The following CEP112 variants were observed in gnomAD, a reference collection of about 807,000 sequenced individuals.
The protein encoded by CEP112 is centrosomal protein 112, also known as centrosomal protein of 112 kDa.
A neutral mutation model predicts 153.0 loss-of-function variants in CEP112; 127 were observed. The observed-to-expected ratio is 0.83, with a 90% CI of 0.72 to 0.96. The LOEUF is 0.96. CEP112 is among the 40% of genes least tolerant of loss of function. The probability of loss-of-function intolerance (pLI) is 0.00; values close to 1 mark genes in which losing one functional copy is unlikely to be tolerated. For missense variants in CEP112, 1,089 were observed against 1,101.2 expected, an observed-to-expected ratio of 0.99 and a Z score of 0.16; for synonymous variants, 358 against 374.4, an observed-to-expected ratio of 0.96 and a Z score of 0.51.
intron 17 of CEP112, among the ~76,000 whole-genome samples, chr17:65,975,450 A>C (rs1471790548): frequency 6.6e-6 from 1 of 152,228 alleles, no homozygotes; most frequent in African/African-American, 2.4e-5. Context: ...AACAACATAC[A>C]CAAATATATA....
At chr17:66,089,388 T>C (rs1467042066) in intron 8 of CEP112, among the ~76,000 whole-genome samples, 1 of 152,168 alleles carries the variant, frequency 6.6e-6, no homozygotes, top group Admixed American at 6.5e-5. Flanking sequence ...TTCACACTAA[T>C]TGTTTTAAGG....
intron 10 of CEP112, among the ~76,000 whole-genome samples, chr17:66,066,350 G>A (rs1392779918): frequency 6.6e-6 from 1 of 152,088 alleles, no homozygotes; most frequent in African/African-American, 2.4e-5. Context: ...CATAAAAGTA[G>A]ATACTTAATG....
At chr17:65,945,940 C>A (rs1345603183) in intron 18 of CEP112, among the ~76,000 whole-genome samples, 2 of 152,130 alleles carry the variant, frequency 1.3e-5, no homozygotes, top group Non-Finnish European at 2.9e-5. Context: ...AGCCACCATG[C>A]CCAGCCCTAA....
chr17:66,166,819 G>A (rs910785295), intron 4 of CEP112, among the ~76,000 whole-genome samples: 7 of 150,528 alleles, frequency 4.7e-5, no homozygotes, highest in Middle Eastern at 3.3e-3. Context: ...CAGAAGAATC[G>A]CTTGAACCCG....
At chr17:65,970,288 A>G (rs1383687286) in intron 17 of CEP112, among the ~76,000 whole-genome samples, 2 of 147,130 alleles carry the variant, frequency 1.4e-5, no homozygotes, top group South Asian at 4.7e-4. Context: ...TGTAGCATGG[A>G]TGTCATACTG....
intron 23 of CEP112, among the ~76,000 whole-genome samples, chr17:65,722,363 C>T (rs1001775850): frequency 3.3e-5 from 5 of 152,136 alleles, no homozygotes; most frequent in African/African-American, 9.7e-5. Flanking sequence ...ATTCTCCTGC[C>T]TCAGCCTCCC....
At chr17:65,905,940 G>A (rs1415077976) in intron 19 of CEP112, among the ~76,000 whole-genome samples, 2 of 149,992 alleles carry the variant, frequency 1.3e-5, no homozygotes, top group Non-Finnish European at 1.5e-5. Context: ...GCCAGACTCC[G>A]TCTCAAAAAA....
At chr17:65,863,629 G>A (rs1276412169) in intron 20 of CEP112, among the ~76,000 whole-genome samples, 14 of 151,368 alleles carry the variant, frequency 9.2e-5, no homozygotes, top group Non-Finnish European at 2.1e-4. Context: ...TGCAGTGGCG[G>A]GTGCCTGTAG....
chr17:65,888,290 T>G (rs538615303), intron 20 of CEP112, among the ~76,000 whole-genome samples: 1 of 152,352 alleles, frequency 6.6e-6, no homozygotes, highest in African/African-American at 2.4e-5. Context: ...ATCAGTCTTC[T>G]GGCTTGGGGT....
chr17:65,974,738 G>A (rs1276938937), intron 17 of CEP112, among the ~76,000 whole-genome samples: 15 of 152,174 alleles, frequency 9.9e-5, no homozygotes, highest in Non-Finnish European at 2.1e-4. Context: ...TTCGTGTAAG[G>A]AGGAAGAGAA....
intron 8 of CEP112, among the ~76,000 whole-genome samples, chr17:66,075,142 T>C (rs1182238318): frequency 6.6e-6 from 1 of 152,116 alleles, no homozygotes; most frequent in African/African-American, 2.4e-5. Context: ...CAGAGATACA[T>C]AAAAGCCATT....
At chr17:65,922,194 T>C (rs1320496645) in intron 19 of CEP112, among the ~76,000 whole-genome samples, 2 of 152,156 alleles carry the variant, frequency 1.3e-5, no homozygotes, top group Non-Finnish European at 1.5e-5. Context: ...AGAGTAACGA[T>C]GTTTCTACAT....
At chr17:65,844,978 A>C (rs1253649373) in intron 21 of CEP112, among the ~76,000 whole-genome samples, 2 of 151,734 alleles carry the variant, frequency 1.3e-5, no homozygotes, top group Admixed American at 1.3e-4. Context: ...GTGCCACTGC[A>C]CTTCAGCCTG....
At chr17:66,150,419 C>G (rs757408201) in intron 4 of CEP112, among the ~76,000 whole-genome samples, 1 of 151,868 alleles carries the variant, frequency 6.6e-6, no homozygotes, top group African/African-American at 2.4e-5. Context: ...CTAGTAGAGA[C>G]GGGGTTTCAC....
chr17:65,740,475 A>G (rs1005165761), intron 23 of CEP112, among the ~76,000 whole-genome samples: 4 of 152,252 alleles, frequency 2.6e-5, no homozygotes, highest in African/African-American at 9.6e-5. Context: ...GAAATGTTTT[A>G]TCAAGTTATA....
At chr17:66,175,963 T>C (rs2072453827) in intron 3 of CEP112, among the ~76,000 whole-genome samples, 1 of 152,212 alleles carries the variant, frequency 6.6e-6, no homozygotes, top group Non-Finnish European at 1.5e-5. Flanking sequence ...GGCACTGTTC[T>C]TTAGGGAGGA....
chr17:65,736,064 T>C (rs2050787510), intron 23 of CEP112, among the ~76,000 whole-genome samples: 1 of 152,174 alleles, frequency 6.6e-6, no homozygotes, highest in South Asian at 2.1e-4. Context: ...GGTCGAGTTA[T>C]TGGCAGTGAT....
intron 12 of CEP112, among the ~76,000 whole-genome samples, chr17:66,038,189 G>T (rs2065822739): frequency 6.6e-6 from 1 of 151,896 alleles, no homozygotes; most frequent in Admixed American, 6.6e-5. Flanking sequence ...AGACATAACT[G>T]CTGTTAGAAG....
At chr17:65,907,740 T>C (rs1037590515) in intron 19 of CEP112, among the ~76,000 whole-genome samples, 2 of 152,298 alleles carry the variant, frequency 1.3e-5, no homozygotes, top group South Asian at 2.1e-4. Flanking sequence ...AAGGTAGATA[T>C]GTAAATAAAA....
Sources: allele counts gnomAD v4.1 joint callset (sites outside exome capture counted in the v4.1 genomes callset), GRCh38; gene constraint gnomAD v4.1.1; transcripts MANE v1.5; gene names NCBI Gene and HGNC (gene_info 2026-07-23, HGNC 2026-07-21).